Variants in DGLUCY observed in about 807,000 individuals in gnomAD.
The protein encoded by DGLUCY is D-glutamate cyclase, mitochondrial.
Under a neutral mutation model 58.5 loss-of-function variants are expected in DGLUCY, and 58 were observed. That is an observed-to-expected ratio of 0.99 (90% CI 0.80 to 1.23). The LOEUF (loss-of-function observed/expected upper bound fraction) is 1.23. Among genes scored for constraint, DGLUCY ranks in the 50% most tolerant of loss-of-function variants. The pLI, the probability that DGLUCY is intolerant of heterozygous loss-of-function variation, is 0.00. For synonymous variants in DGLUCY, 325 were observed against 314.1 expected (o/e 1.03, Z -0.37); for missense variants, 779 against 784.7 (o/e 0.99, Z 0.09).
At chr14:91,090,496 A>G (rs1158170547) in intron 1 of DGLUCY, among the ~76,000 whole-genome samples, 1 of 152,096 alleles carries the variant, frequency 6.6e-6, no homozygotes, top group Non-Finnish European at 1.5e-5. Context: ...TCTGGGCTGA[A>G]AACAACAGGG....
chr14:91,156,120 T>TC (rs1482026954), intron 1 of DGLUCY, among the ~76,000 whole-genome samples: 2 of 151,674 alleles, frequency 1.3e-5, no homozygotes, highest in African/African-American at 4.8e-5. Context: ...CTCATTCTTT[T>TC]TTTTTTTTTT....
At chr14:91,118,845 C>T (rs577396783) in intron 1 of DGLUCY, among the ~76,000 whole-genome samples, 241 of 152,152 alleles carry the variant, frequency 1.6e-3, no homozygotes, top group South Asian at 2.3e-3. Flanking sequence ...GGGCCAGGCA[C>T]GGTGGCTCAT....
Position 91,181,294 on chromosome 14 carries a change from A to G in DGLUCY, c.839A>G (p.His280Arg), listed in dbSNP as rs1164167640. ...CLTPERIPEV[H>R]HISQDPLHYS... is the part of the protein sequence containing the mutation. Reference sequence around the variant, plus strand: ...ACCCCAGAGAGAATTCCAGAGGTCCATCACATTTCCCAAGATCCTCTGCAC... The same window carrying G: ...ACCCCAGAGAGAATTCCAGAGGTCCGTCACATTTCCCAAGATCCTCTGCAC... Residue 280 changes from histidine to arginine, a missense_variant, in exon 8 of 14, where the codon CAT becomes CGT. By Grantham distance (29) the His-to-Arg change is conservative. Coordinates refer to ENST00000256324, the MANE Select transcript of DGLUCY (RefSeq NM_001102368.3). 1.2e-6 allele frequency: 2 copies of G among 1,614,082 alleles called. No homozygotes were observed. The highest frequency in any genetic ancestry group is 2.7e-5 in the African/African-American group (2 of 74,936).
At chr14:91,219,198 A>G (rs1323133039) in intron 13 of DGLUCY, among the ~76,000 whole-genome samples, 1 of 152,004 alleles carries the variant, frequency 6.6e-6, no homozygotes, top group East Asian at 1.9e-4. Context: ...AAGAAAAAAA[A>G]ATTTTGAAAA....
At chr14:91,124,111 A>C (rs1007864405) in intron 1 of DGLUCY, among the ~76,000 whole-genome samples, 7 of 151,696 alleles carry the variant, frequency 4.6e-5, no homozygotes, top group African/African-American at 1.7e-4. Flanking sequence ...TATTTTTAGT[A>C]GTGACGGGGT....
At chr14:91,128,134 G>A (rs1046698368) in intron 1 of DGLUCY, among the ~76,000 whole-genome samples, 1 of 151,854 alleles carries the variant, frequency 6.6e-6, no homozygotes, top group Non-Finnish European at 1.5e-5. Flanking sequence ...CCTGCTCCTG[G>A]TACAGAATTC....
At chr14:91,109,414 C>T (rs546779459), upstream of DGLUCY, among the ~76,000 whole-genome samples, 2 of 152,212 alleles carry the variant, frequency 1.3e-5, no homozygotes, top group Admixed American at 1.3e-4. Context: ...AGGAGAGTGG[C>T]TGGCTGGGTG....
intron 1 of DGLUCY, among the ~76,000 whole-genome samples, chr14:91,078,039 A>G (rs915762741): frequency 6.6e-6 from 1 of 152,002 alleles, no homozygotes; most frequent in Non-Finnish European, 1.5e-5. Context: ...TTTTATTGTT[A>G]TTATTATTTT....
chr14:91,074,560 T>C (rs1479868251), intron 1 of DGLUCY, among the ~76,000 whole-genome samples: 1 of 152,140 alleles, frequency 6.6e-6, no homozygotes, highest in African/African-American at 2.4e-5. Flanking sequence ...TCCCAATTTC[T>C]GCCCCATATA....
intron 1 of DGLUCY, among the ~76,000 whole-genome samples, chr14:91,140,448 G>A (rs1480535202): frequency 1.3e-5 from 2 of 152,202 alleles, no homozygotes; most frequent in African/African-American, 4.8e-5. Context: ...GAGGCTGGCG[G>A]ATCACCTGAA....
chr14:91,140,396 G>T (rs185305703), intron 1 of DGLUCY, among the ~76,000 whole-genome samples: 22 of 152,328 alleles, frequency 1.4e-4, no homozygotes, highest in African/African-American at 5.1e-4. Context: ...TATGGGTCGG[G>T]TGCGGTGGCT....
intron 12 of DGLUCY, among the ~76,000 whole-genome samples, chr14:91,211,758 T>C (rs1461733150): frequency 1.3e-5 from 2 of 152,188 alleles, no homozygotes; most frequent in East Asian, 3.8e-4. Flanking sequence ...AGGAGAATAT[T>C]TGGATGAGCA....
At chr14:91,175,514 C>T (rs972632462) in intron 6 of DGLUCY, among the ~76,000 whole-genome samples, 1 of 152,086 alleles carries the variant, frequency 6.6e-6, no homozygotes, top group African/African-American at 2.4e-5. Context: ...GGATTGGGCC[C>T]AGCACATCCA....
chr14:91,216,861 G>A (rs11624508), intron 13 of DGLUCY, among the ~76,000 whole-genome samples: 6,382 of 152,298 alleles, frequency 0.042, 168 homozygotes, highest in South Asian at 0.11. Context: ...ACGTGTGCCC[G>A]TCTAACTTAT....
chr14:91,101,519 A>G (rs2044486803), intron 1 of DGLUCY, among the ~76,000 whole-genome samples: 4 of 152,154 alleles, frequency 2.6e-5, no homozygotes, highest in Admixed American at 2.0e-4. Flanking sequence ...TTACAATGAT[A>G]TGACATTTCC....
At chr14:91,106,663 C>T (rs936533939), upstream of DGLUCY, among the ~76,000 whole-genome samples, 3 of 149,936 alleles carry the variant, frequency 2.0e-5, no homozygotes, top group Non-Finnish European at 4.4e-5. Flanking sequence ...GCCCAGATTG[C>T]TCCACTGCAC....
intron 1 of DGLUCY, among the ~76,000 whole-genome samples, chr14:91,088,719 C>T (rs1229680442): frequency 6.6e-6 from 1 of 152,226 alleles, no homozygotes; most frequent in Non-Finnish European, 1.5e-5. Context: ...CTCCCAGTGC[C>T]TTGGCCTACT....
intron 1 of DGLUCY, among the ~76,000 whole-genome samples, chr14:91,100,738 C>T (rs962077123): frequency 6.6e-6 from 1 of 152,158 alleles, no homozygotes. Context: ...ATCTAGGAAT[C>T]TGTGTTTTAA....
At chr14:91,192,313 A>C (rs1024705037) in intron 9 of DGLUCY, among the ~76,000 whole-genome samples, 1 of 152,174 alleles carries the variant, frequency 6.6e-6, no homozygotes, top group African/African-American at 2.4e-5. Context: ...TAGGGCAGAA[A>C]GTAGAGTGGT....
Sources: gnomAD v4.1 joint callset for allele counts (sites outside exome capture counted in the v4.1 genomes callset) on GRCh38, gnomAD v4.1.1 for gene constraint, MANE v1.5 for transcripts, NCBI Gene and HGNC (gene_info 2026-07-23, HGNC 2026-07-21) for gene names.